Variants in IQCE observed in about 807,000 individuals in gnomAD.
IQCE encodes the protein IQ domain-containing protein E.
Under a neutral mutation model 96.0 loss-of-function variants are expected in IQCE, and 115 were observed. The observed-to-expected ratio is 1.20, with a 90% CI of 1.03 to 1.40. IQCE has a LOEUF of 1.40. IQCE is among the 40% of genes most tolerant of loss of function. The pLI, the probability that IQCE is intolerant of heterozygous loss-of-function variation, is 0.00. For missense variants in IQCE, 1,041 were observed against 909.1 expected, an observed-to-expected ratio of 1.15 and a Z score of -1.87; for synonymous variants, 412 against 371.2, an observed-to-expected ratio of 1.11 and a Z score of -1.26.
intron 10 of IQCE, 117 bp from the exon 11 acceptor site, chr7:2,584,119 A>G (rs1782913171): frequency 1.1e-6 from 1 of 898,594 alleles, no homozygotes; most frequent in Non-Finnish European, 1.9e-6. Flanking sequence ...AAGTGCGGCC[A>G]CTTAGTTCCC....
intron 3 of IQCE, among the ~76,000 whole-genome samples, chr7:2,570,092 T>C (rs1319869018): frequency 3.3e-5 from 5 of 152,008 alleles, no homozygotes; most frequent in Non-Finnish European, 7.4e-5. Context: ...CAAGTGTTTT[T>C]CTCCAAGGCC....
chr7:2,596,433 T>C (rs931948451), intron 16 of IQCE, among the ~76,000 whole-genome samples: 3 of 151,606 alleles, frequency 2.0e-5, no homozygotes, highest in Non-Finnish European at 4.4e-5. Context: ...TCTTTTAGTA[T>C]TGTCTGAATT....
chr7:2,601,572 T>A, intron 18 of IQCE, 108 bp downstream of exon 18: 1 of 879,260 alleles, frequency 1.1e-6, no homozygotes, highest in Non-Finnish European at 1.9e-6. Context: ...TTTTTCGAGA[T>A]GGAATCTCGC....
At chr7:2,580,745 C>T (rs1035363651) in intron 8 of IQCE, among the ~76,000 whole-genome samples, 3 of 152,092 alleles carry the variant, frequency 2.0e-5, no homozygotes, top group Non-Finnish European at 4.4e-5. Context: ...AAGAAAGATG[C>T]AGAGGGATGT....
intron 12 of IQCE, 115 bp downstream of exon 12, chr7:2,586,486 C>T (rs777078955): frequency 2.6e-6 from 3 of 1,166,398 alleles, no homozygotes; most frequent in Non-Finnish European, 3.6e-6. Context: ...GATGTGAACC[C>T]TTGGGCAACG....
At chr7:2,597,198 C>T (rs1379558209) in intron 16 of IQCE, 1 of 459,358 alleles carries the variant, frequency 2.2e-6, no homozygotes, top group Non-Finnish European at 4.5e-6. Flanking sequence ...AGGATCTGGG[C>T]CACAGGGTGG....
chr7:2,603,830 C>T (rs943846755), intron 18 of IQCE, among the ~76,000 whole-genome samples: 5 of 151,940 alleles, frequency 3.3e-5, no homozygotes, highest in African/African-American at 7.3e-5. Context: ...GCTAAACTCA[C>T]GTGGCATGGG....
chr7:2,593,319 TGG>T (rs1783761146), intron 15 of IQCE, among the ~76,000 whole-genome samples, 193 bp downstream of exon 15: 1 of 152,254 alleles, frequency 6.6e-6, no homozygotes, highest in Non-Finnish European at 1.5e-5. Context: ...GCCTGCCCTC[TGG>T]CATCGTGGCC....
chr7:2,581,832 C>G (rs1782689587), intron 8 of IQCE, among the ~76,000 whole-genome samples: 1 of 151,882 alleles, frequency 6.6e-6, no homozygotes, highest in African/African-American at 2.4e-5. Flanking sequence ...GCCTCAGCCT[C>G]CCGAGTAGCT....
At chr7:2,605,012 G>C in intron 19 of IQCE, 21 bp downstream of exon 19, 1 of 1,533,582 alleles carries the variant, frequency 6.5e-7, no homozygotes, top group African/African-American at 1.4e-5. Context: ...GGTGCTGGAC[G>C]TCCCAGTGGC....
chr7:2,570,824 T>C (rs1407460817), intron 3 of IQCE, among the ~76,000 whole-genome samples: 1 of 152,222 alleles, frequency 6.6e-6, no homozygotes, highest in African/African-American at 2.4e-5. Flanking sequence ...TTAGATATTT[T>C]ACATATTAAG....
intron 16 of IQCE, among the ~76,000 whole-genome samples, chr7:2,595,968 G>A (rs1784007141): frequency 6.6e-6 from 1 of 152,270 alleles, no homozygotes; most frequent in African/African-American, 2.4e-5. Context: ...TCTGGTGGTA[G>A]AAGGGCGTCC....
chr7:2,578,533 A>G lies in IQCE; in HGVS notation c.630+7A>G, dbSNP rs1160812365. ...AAGGCCCGATGCCAGTTGGGTGAGT[A>G]TGGTGTGTGCAGGACAGAGCCTTTC... is the stretch of plus-strand genomic sequence containing the variant. On this transcript the variant is annotated splice_region_variant and intron_variant, in intron 8 of 21. Coordinates refer to ENST00000402050, the MANE Select transcript of IQCE (RefSeq NM_152558.5). 5 of 1,614,122 alleles carry G rather than the reference A, an allele frequency of 3.1e-6. No homozygotes were observed. Among genetic ancestry groups the G allele is most frequent in the Non-Finnish European group, 4.2e-6 (5 of 1,179,978 alleles).
intron 8 of IQCE, among the ~76,000 whole-genome samples, chr7:2,579,766 CAG>C (rs1166955016): frequency 6.8e-6 from 1 of 148,036 alleles, no homozygotes; most frequent in Non-Finnish European, 1.5e-5. Context: ...TTTCTTGAGA[CAG>C]GGACTCACTC....
intron 5 of IQCE, 123 bp from the exon 6 acceptor site, chr7:2,573,295 T>C: frequency 1.6e-6 from 1 of 624,032 alleles, no homozygotes; most frequent in Non-Finnish European, 2.8e-6. Flanking sequence ...TTATTTTGGC[T>C]TTTTTATTTT....
At chr7:2,591,979 GCCTCGGCCTCCC>G in intron 14 of IQCE, among the ~76,000 whole-genome samples, 1 of 98,442 alleles carries the variant, frequency 1.0e-5, no homozygotes, top group Non-Finnish European at 2.1e-5. Flanking sequence ...ACCCGGGCCT[GCCTCGGCCTCCC>G]AAAGTGCTGG....
intron 1 of IQCE, among the ~76,000 whole-genome samples, chr7:2,566,318 G>C (rs554685396): frequency 1.4e-5 from 2 of 143,436 alleles, no homozygotes; most frequent in East Asian, 2.0e-4. Context: ...GGCCATCCTC[G>C]TGCTGAAATC....
chr7:2,610,112 G>A lies in IQCE; in HGVS notation c.2038G>A (p.Asp680Asn), dbSNP rs1448448230. 18 of 1,613,388 alleles carry A rather than the reference G, an allele frequency of 1.1e-5. No homozygotes were observed. Among genetic ancestry groups the A allele is most frequent in the South Asian group, 5.5e-5 (5 of 91,070 alleles). Residue 680 changes from aspartate to asparagine, a missense_variant, in exon 22 of 22, where the codon GAC (aspartate) becomes AAC (asparagine). Coordinates refer to ENST00000402050, the MANE Select transcript of IQCE (RefSeq NM_152558.5). ...GGATGACGTCAACTCCGATGATTCC[G>A]ACGATATTGTCATTGCACCGTCTCT... ...PGDDVNSDDS[D>N]DIVIAPSLPT...
intron 14 of IQCE, among the ~76,000 whole-genome samples, chr7:2,590,350 C>T (rs962955269): frequency 1.3e-5 from 2 of 152,222 alleles, no homozygotes; most frequent in East Asian, 1.9e-4. Flanking sequence ...TGATTGTTGC[C>T]GGGGTTAAAC....
Sources: allele counts gnomAD v4.1 joint callset (sites outside exome capture counted in the v4.1 genomes callset), GRCh38; gene constraint gnomAD v4.1.1; transcripts MANE v1.5; gene names NCBI Gene and HGNC (gene_info 2026-07-23, HGNC 2026-07-21).